The following SYNE1 variants were observed in gnomAD, a reference collection of about 807,000 sequenced individuals.
SYNE1 encodes the protein nesprin-1.
A neutral mutation model predicts 1,111.0 loss-of-function variants in SYNE1; 616 were observed. That is an observed-to-expected ratio of 0.55 (90% confidence interval 0.52 to 0.59). The LOEUF is 0.59. SYNE1 is among the 20% of genes least tolerant of loss of function. The pLI, the probability that SYNE1 is intolerant of heterozygous loss-of-function variation, is 0.00. For missense variants in SYNE1, 10,006 were observed against 10,417.0 expected (o/e 0.96, Z 1.72); for synonymous variants, 3,855 against 3,825.8 (o/e 1.01, Z -0.28).
At chr6:152,206,040 G>C (rs2076442106) in intron 126 of SYNE1, 128 bp downstream of exon 126, 2 of 1,013,262 alleles carry the variant, frequency 2.0e-6, no homozygotes, top group South Asian at 2.9e-5. Context: ...ATAAAACACA[G>C]AGAATCAAAA....
In SYNE1 at chr6:152,461,585, T is replaced by C. The variant is rs1322729035; in HGVS notation, c.2394+12A>G. On this transcript the variant is annotated intron_variant, in intron 21 of 145. Transcript: ENST00000367255. ...GTCACACAGCCTATTGTGCATTAAA[T>C]TATTTTCGCACCTTGGTTAGCTGCT... 6.2e-6 allele frequency: 10 copies of C among 1,613,838 alleles called. No homozygotes were observed. In the Admixed American group the frequency reaches 1.7e-4, roughly 27 times the overall value.
intron 93 of SYNE1, among the ~76,000 whole-genome samples, chr6:152,295,348 C>A (rs1243504479): frequency 1.3e-5 from 2 of 152,146 alleles, no homozygotes; most frequent in Non-Finnish European, 2.9e-5. Context: ...TTATTCCTAA[C>A]CCTGTCACTG....
At chr6:152,367,579 CAA>C in intron 61 of SYNE1, 197 bp from the exon 62 acceptor site, 10 of 548,686 alleles carry the variant, frequency 1.8e-5, no homozygotes, top group Non-Finnish European at 2.9e-5. Context: ...GGGTCAAAAG[CAA>C]AAAAAAAAGT....
chr6:152,133,570 T>C, intron 142 of SYNE1, 82 bp from the exon 143 acceptor site: 1 of 1,372,926 alleles, frequency 7.3e-7, no homozygotes, highest in Admixed American at 1.9e-5. Flanking sequence ...TGCAATCAAC[T>C]TAACTTGGTG....
rs768449624 is a variant in SYNE1, at chr6:152,180,265, T to G, written c.23331A>C (p.Glu7777Asp). Residue 7777 changes from glutamate (E) to aspartate (D), a missense_variant, in exon 129 of 146, where the codon GAA becomes GAC. Physicochemically the swap from Glu to Asp is conservative, Grantham distance 45. This residue lies in a region of SYNE1 where 2,182 missense variants were observed against 2,287.8 expected (regional missense o/e 0.95). Coordinates refer to ENST00000367255, the MANE Select transcript of SYNE1 (RefSeq NM_182961.4). ...QLSLRRQQIG[E>D]RLNEWAVFSE... Reference sequence around the variant, plus strand: ...TGAAGACTGCCCATTCATTCAATCTTTCACCTATTTGCTGCCGCCTTAAGG... The same window carrying G: ...TGAAGACTGCCCATTCATTCAATCTGTCACCTATTTGCTGCCGCCTTAAGG... The G allele has an allele frequency of 1.9e-6, 3 of 1,614,152 alleles. No homozygotes were observed. The East Asian group carries it at 6.7e-5, about 36-fold the overall frequency.
chr6:152,413,770 C>G (rs1470385236), intron 41 of SYNE1, among the ~76,000 whole-genome samples: 1 of 152,028 alleles, frequency 6.6e-6, no homozygotes, highest in Non-Finnish European at 1.5e-5. Context: ...CACCATCAAC[C>G]TTCTATTAAG....
intron 3 of SYNE1, among the ~76,000 whole-genome samples, chr6:152,551,649 C>T (rs2099347369): frequency 6.6e-6 from 1 of 152,184 alleles, no homozygotes; most frequent in Non-Finnish European, 1.5e-5. Flanking sequence ...ATCACTTCTA[C>T]ATGATTAAAG....
At chr6:152,471,152 G>A (rs961273447) in intron 16 of SYNE1, among the ~76,000 whole-genome samples, 1 of 152,044 alleles carries the variant, frequency 6.6e-6, no homozygotes, top group African/African-American at 2.4e-5. Context: ...AGACACAGTG[G>A]ACACAATCTA....
intron 98 of SYNE1, among the ~76,000 whole-genome samples, chr6:152,271,956 C>G (rs180964105): frequency 6.6e-6 from 1 of 152,212 alleles, no homozygotes; most frequent in Non-Finnish European, 1.5e-5. Flanking sequence ...GAGCCCAACA[C>G]GCTCTTCTAC....
chr6:152,221,374 T>C, intron 118 of SYNE1, 52 bp downstream of exon 118: 1 of 1,597,548 alleles, frequency 6.3e-7, no homozygotes, highest in Non-Finnish European at 8.6e-7. Flanking sequence ...TATATCATTA[T>C]TTATAATAAG....
chr6:152,533,313 C>T (rs1334242819), intron 4 of SYNE1, among the ~76,000 whole-genome samples: 5 of 151,802 alleles, frequency 3.3e-5, no homozygotes, highest in South Asian at 4.2e-4. Flanking sequence ...AATTCAATTC[C>T]GAATAAATAT....
At chr6:152,341,631 G>A (rs2096535951) in intron 74 of SYNE1, among the ~76,000 whole-genome samples, 1 of 152,152 alleles carries the variant, frequency 6.6e-6, no homozygotes, top group African/African-American at 2.4e-5. Context: ...GATACACACT[G>A]CATCTTGGTA....
chr6:152,517,076 G>A (rs1045379954), intron 6 of SYNE1, among the ~76,000 whole-genome samples: 2 of 152,142 alleles, frequency 1.3e-5, no homozygotes, highest in African/African-American at 2.4e-5. Context: ...AATCTCTCTT[G>A]GGCATGAAAT....
At chr6:152,350,832 A>G (rs1302311572) in intron 70 of SYNE1, 62 bp from the exon 71 acceptor site, 10 of 1,595,632 alleles carry the variant, frequency 6.3e-6, no homozygotes, top group Admixed American at 1.7e-5. Flanking sequence ...GAATACATAC[A>G]TATTCCCATG....
intron 59 of SYNE1, among the ~76,000 whole-genome samples, chr6:152,371,237 T>A (rs896933620): frequency 6.6e-6 from 1 of 151,636 alleles, no homozygotes; most frequent in Non-Finnish European, 1.5e-5. Flanking sequence ...CAATGGGAGG[T>A]AATTGAATCA....
chr6:152,469,223 T>C (rs1164441811), intron 16 of SYNE1, among the ~76,000 whole-genome samples: 1 of 152,142 alleles, frequency 6.6e-6, no homozygotes, highest in Non-Finnish European at 1.5e-5. Context: ...TCCATAACAC[T>C]CTAAAAGGAT....
Position 152,408,502 on chromosome 6 carries a change from T to C in SYNE1, c.6540+566A>G, listed in dbSNP as rs574164248. On this transcript the variant is annotated intron_variant, in intron 44 of 145. Transcript: ENST00000367255. ...TTCATAGTTTGGGAAAGAAAAACAT[T>C]CAGAGTTATAACTTGTTATGACTGA... 3.3e-5 allele frequency among the ~76,000 whole-genome samples: 5 copies of C among 152,288 alleles called. No individual in the cohort carries two copies. In the East Asian group the frequency reaches 9.6e-4, roughly 29 times the overall value.
Position 152,438,211 on chromosome 6 carries a change from A to T in SYNE1, c.4150-2110T>A, listed in dbSNP as rs57438073. Among the ~76,000 whole-genome samples, 379 of 152,322 alleles carry T rather than the reference A, an allele frequency of 2.5e-3. 1 individual carries two copies. Among genetic ancestry groups the T allele is most frequent in the African/African-American group, 8.9e-3 (372 of 41,570 alleles). ...TATATCTGACAGTCATGGTAGATTC[A>T]ATTGTGGAGATTACAAATCACCACA... is the stretch of plus-strand genomic sequence containing the variant. On this transcript the variant is annotated intron_variant, in intron 32 of 145. Coordinates refer to ENST00000367255, the MANE Select transcript of SYNE1 (RefSeq NM_182961.4).
At chr6:152,325,930 T>A in intron 80 of SYNE1, 28 bp downstream of exon 80, 1 of 1,611,896 alleles carries the variant, frequency 6.2e-7, no homozygotes, top group Non-Finnish European at 8.5e-7. Flanking sequence ...AGAAAAAGGA[T>A]TTTTTTTAAA....
Sources: allele counts gnomAD v4.1 joint callset (sites outside exome capture counted in the v4.1 genomes callset), GRCh38; gene constraint gnomAD v4.1.1; regional missense constraint gnomAD v4.1.1; transcripts MANE v1.5; gene names NCBI Gene and HGNC (gene_info 2026-07-23, HGNC 2026-07-21).